TRAPPC12: variants seen among roughly 807,000 people sequenced by gnomAD.
TRAPPC12 encodes trafficking protein particle complex subunit 12.
TRAPPC12 carries 61 observed loss-of-function variants against 69.2 expected under a neutral mutation model. The ratio of observed to expected loss-of-function variants is 0.88; its 90% CI spans 0.72 to 1.09. The LOEUF is 1.09. Among genes scored for constraint, TRAPPC12 ranks in the 50% least tolerant of loss-of-function variants. The pLI is 0.00. For missense variants in TRAPPC12, 1,101 were observed against 1,016.4 expected (o/e 1.08, Z -1.13); for synonymous variants, 469 against 438.9 (o/e 1.07, Z -0.86).
Position 3,449,743 on chromosome 2 carries a change from G to A in TRAPPC12, c.1530+5852G>A, listed in dbSNP as rs577311534. Among the ~76,000 whole-genome samples, 10 of 152,274 alleles carry A rather than the reference G, an allele frequency of 6.6e-5. 1 individual carries two copies. The East Asian group carries it at 1.4e-3, about 21-fold the overall frequency. On this transcript the variant is annotated intron_variant, in intron 6 of 11. Transcript: ENST00000324266. ...GCCAGGACTCAGGGCCTGGCCACCCGCACACCGACAGTGGCCAGTTATTGC... is the reference window on the plus strand; with the variant it reads ...GCCAGGACTCAGGGCCTGGCCACCCACACACCGACAGTGGCCAGTTATTGC...
chr2:3,457,669 A>T lies in TRAPPC12; in HGVS notation c.1579A>T (p.Ser527Cys). 2 of 1,611,668 alleles carry T rather than the reference A, an allele frequency of 1.2e-6. No homozygotes were observed. The highest frequency in any genetic ancestry group is 1.7e-6 in the Non-Finnish European group (2 of 1,179,980). ...CTTAGCAGAAGACGGCGGCATGAGC[A>T]GCGTGACTCAGGAGGGCAGACAAGG... ...QGLAEDGGMS[S>C]VTQEGRQASI... The change falls in exon 7 of 12, where the codon AGC becomes TGC. Residue 527 changes from serine (S) to cysteine (C), a missense_variant. By Grantham distance (112) the Ser-to-Cys change is moderately radical. Transcript: ENST00000324266.
At chr2:3,430,734 G>T (rs752691948) in intron 5 of TRAPPC12, among the ~76,000 whole-genome samples, 1 of 152,218 alleles carries the variant, frequency 6.6e-6, no homozygotes, top group Admixed American at 6.5e-5. Context: ...TCCACATACT[G>T]TTATATCAGG....
At chr2:3,471,352 A>G (rs1370043425) in intron 9 of TRAPPC12, among the ~76,000 whole-genome samples, 1 of 152,066 alleles carries the variant, frequency 6.6e-6, no homozygotes, top group Admixed American at 6.6e-5. Context: ...GGGAGGATCC[A>G]TCTCCCCCCT....
At chr2:3,416,256 G>GC (rs1387472420) in intron 3 of TRAPPC12, among the ~76,000 whole-genome samples, 9 of 152,064 alleles carry the variant, frequency 5.9e-5, no homozygotes, top group Admixed American at 1.3e-4. Flanking sequence ...AGCTAAGCCT[G>GC]CCCCACCAGC....
chr2:3,436,786 T>A (rs535679460), intron 5 of TRAPPC12, among the ~76,000 whole-genome samples: 2 of 93,504 alleles, frequency 2.1e-5, no homozygotes, highest in East Asian at 6.6e-4. Context: ...CCTGGATTAA[T>A]ACCCCATCAC....
At chr2:3,401,971 C>CA in intron 3 of TRAPPC12, 78 bp downstream of exon 3, 1 of 1,015,378 alleles carries the variant, frequency 9.8e-7, no homozygotes, top group Non-Finnish European at 1.4e-6. Flanking sequence ...CTCTAGAAGT[C>CA]AATTATTTTG....
intron 1 of TRAPPC12, among the ~76,000 whole-genome samples, chr2:3,380,703 C>T (rs1313190773): frequency 6.6e-6 from 1 of 152,208 alleles, no homozygotes. Flanking sequence ...CAGTGTTACT[C>T]ATTCAGTTCT....
chr2:3,384,698 A>C (rs1426162953), intron 1 of TRAPPC12, among the ~76,000 whole-genome samples: 1 of 152,200 alleles, frequency 6.6e-6, no homozygotes, highest in African/African-American at 2.4e-5. Context: ...ATGTGTGTTC[A>C]TGAGTGAGAT....
intron 9 of TRAPPC12, among the ~76,000 whole-genome samples, chr2:3,468,891 T>C (rs1665941727): frequency 6.6e-6 from 1 of 152,128 alleles, no homozygotes; most frequent in Non-Finnish European, 1.5e-5. Context: ...GGAGTCAGAT[T>C]GCAGTCGATG....
At chr2:3,439,709 A>G (rs1664090597) in intron 5 of TRAPPC12, among the ~76,000 whole-genome samples, 1 of 152,024 alleles carries the variant, frequency 6.6e-6, no homozygotes, top group African/African-American at 2.4e-5. Flanking sequence ...CAACTTACTG[A>G]TTTTTTTCTT....
intron 1 of TRAPPC12, among the ~76,000 whole-genome samples, chr2:3,383,444 G>A (rs897157081): frequency 7.0e-6 from 1 of 142,140 alleles, no homozygotes; most frequent in Non-Finnish European, 1.5e-5. Context: ...TGTCACCCAG[G>A]CTGGAATGTC....
intron 3 of TRAPPC12, among the ~76,000 whole-genome samples, chr2:3,405,793 T>C (rs1022091963): frequency 2.0e-5 from 3 of 152,246 alleles, no homozygotes; most frequent in Non-Finnish European, 4.4e-5. Flanking sequence ...GAAGTATATA[T>C]TCCAGATTCA....
At chr2:3,404,112 C>G (rs1251536765) in intron 3 of TRAPPC12, among the ~76,000 whole-genome samples, 1 of 152,180 alleles carries the variant, frequency 6.6e-6, no homozygotes, top group Non-Finnish European at 1.5e-5. Flanking sequence ...CCACCTGGAA[C>G]CCCTTTGCCT....
intron 6 of TRAPPC12, among the ~76,000 whole-genome samples, chr2:3,452,548 C>G (rs932748030): frequency 6.6e-6 from 1 of 152,192 alleles, no homozygotes. Flanking sequence ...TGCCTCCACT[C>G]CAGCCCGTCC....
chr2:3,444,669 C>G (rs1572170786), intron 6 of TRAPPC12, among the ~76,000 whole-genome samples: 1 of 152,224 alleles, frequency 6.6e-6, no homozygotes, highest in Non-Finnish European at 1.5e-5. Flanking sequence ...TAAGATTCTT[C>G]TTGTCAGATT....
At chr2:3,478,247 T>C (rs1666384877) in intron 10 of TRAPPC12, 1 of 159,980 alleles carries the variant, frequency 6.3e-6, no homozygotes, top group Non-Finnish European at 1.4e-5. Context: ...GGACAAAGCC[T>C]GCAGCCAGGA....
chr2:3,415,296 T>G (rs1051977779), intron 3 of TRAPPC12, among the ~76,000 whole-genome samples: 1 of 152,246 alleles, frequency 6.6e-6, no homozygotes, highest in African/African-American at 2.4e-5. Flanking sequence ...GGCCTTGTGT[T>G]GGCTGATTTT....
At chr2:3,389,817 G>A in intron 2 of TRAPPC12, 2 of 470,560 alleles carry the variant, frequency 4.3e-6, no homozygotes, top group Non-Finnish European at 4.4e-6. Context: ...GCACAAAACA[G>A]CTCTCAGCAG....
chr2:3,478,983 C>A lies in TRAPPC12; in HGVS notation c.1965+50C>A, dbSNP rs1188147575. The A allele has an allele frequency of 2.5e-6, 4 of 1,578,308 alleles. No individual in the cohort carries two copies. In the African/African-American group the frequency reaches 4.0e-5, roughly 16 times the overall value. On this transcript the variant is annotated intron_variant, in intron 11 of 11. Transcript: ENST00000324266. ...CTCCATCCTCTGCCTTTCACAGACG[C>A]TAGAAACATACACCCACACACGTCT...
Sources: allele counts gnomAD v4.1 joint callset (sites outside exome capture counted in the v4.1 genomes callset), GRCh38; gene constraint gnomAD v4.1.1; transcripts MANE v1.5; gene names NCBI Gene and HGNC (gene_info 2026-07-23, HGNC 2026-07-21).